The following RAPGEF2 variants were observed in gnomAD, a reference collection of about 807,000 sequenced individuals.
RAPGEF2 encodes the protein Rap guanine nucleotide exchange factor 2.
In RAPGEF2, 54 loss-of-function variants were observed where a neutral mutation model predicts 186.7. The ratio of observed to expected loss-of-function variants is 0.29; its 90% CI spans 0.23 to 0.36. RAPGEF2 has a LOEUF of 0.36. Among genes scored for constraint, RAPGEF2 ranks in the 10% least tolerant of loss-of-function variants. The pLI, the probability that RAPGEF2 is intolerant of heterozygous loss-of-function variation, is 1.00. For synonymous variants in RAPGEF2, 712 were observed against 705.9 expected (o/e 1.01, Z -0.14); for missense variants, 1,532 against 2,045.0 (o/e 0.75, Z 4.84).
intron 20 of RAPGEF2, 64 bp from the exon 21 acceptor site, chr4:159,342,915 C>T: frequency 7.3e-7 from 1 of 1,377,664 alleles, no homozygotes; most frequent in Non-Finnish European, 1.0e-6. Flanking sequence ...TGTTATATGT[C>T]AATAAATAAT....
chr4:159,207,783 GT>G (rs1185733189), intron 3 of RAPGEF2, among the ~76,000 whole-genome samples: 2 of 152,042 alleles, frequency 1.3e-5, no homozygotes, highest in Non-Finnish European at 2.9e-5. Context: ...CCCGCTTTCT[GT>G]TTTAGTGTTT....
chr4:159,271,892 CTTGAG>C (rs759797783), intron 7 of RAPGEF2, among the ~76,000 whole-genome samples: 4 of 152,272 alleles, frequency 2.6e-5, no homozygotes, highest in South Asian at 2.1e-4. Context: ...CATGTTGAGA[CTTGAG>C]TTGAGATGGT....
At chr4:159,310,129 C>A (rs1763791827) in intron 8 of RAPGEF2, among the ~76,000 whole-genome samples, 1 of 152,058 alleles carries the variant, frequency 6.6e-6, no homozygotes, top group African/African-American at 2.4e-5. Context: ...TGGTAACTTA[C>A]AGAAACGAAA....
chr4:159,205,225 A>G (rs1256429740), intron 3 of RAPGEF2, among the ~76,000 whole-genome samples: 1 of 152,134 alleles, frequency 6.6e-6, no homozygotes, highest in Non-Finnish European at 1.5e-5. Flanking sequence ...ACTTTGATGG[A>G]TCTCCTATCT....
chr4:159,190,138 G>T (rs1019175135), intron 2 of RAPGEF2, among the ~76,000 whole-genome samples: 6 of 152,186 alleles, frequency 3.9e-5, no homozygotes, highest in African/African-American at 1.4e-4. Context: ...GCAGGGAAAG[G>T]CAGGGTCCAC....
chr4:159,322,107 C>T, intron 9 of RAPGEF2, among the ~76,000 whole-genome samples: 1 of 152,100 alleles, frequency 6.6e-6, no homozygotes, highest in African/African-American at 2.4e-5. Flanking sequence ...GGTATTAGAA[C>T]TGGAGTTACA....
At chr4:159,246,711 C>G (rs1754662735) in intron 7 of RAPGEF2, among the ~76,000 whole-genome samples, 1 of 152,094 alleles carries the variant, frequency 6.6e-6, no homozygotes, top group African/African-American at 2.4e-5. Flanking sequence ...GAGTTATGTT[C>G]TTAAATAAGA....
At position 159,341,952 on chromosome 4, in the gene RAPGEF2, G is replaced by A; in HGVS notation, c.2918+5G>A. ...CTCAATGTTTGCAATCATCAGGTAA[G>A]AGAGCACATTTTTTCTTAAGATTCA... On this transcript the variant is annotated splice_donor_5th_base_variant and intron_variant, in intron 20 of 29. Coordinates refer to ENST00000691494, the MANE Select transcript of RAPGEF2 (RefSeq NM_001394067.2). 1.3e-6 allele frequency: 2 copies of A among 1,567,718 alleles called. No homozygotes were observed. Among genetic ancestry groups the A allele is most frequent in the South Asian group, 2.4e-5 (2 of 82,162 alleles).
At chr4:159,356,465 GTGTC>G (rs1243667719) in intron 29 of RAPGEF2, among the ~76,000 whole-genome samples, 2 of 151,584 alleles carry the variant, frequency 1.3e-5, no homozygotes, top group African/African-American at 4.9e-5. Flanking sequence ...TGCTTTCTGT[GTGTC>G]TGTGTATGTG....
intron 4 of RAPGEF2, among the ~76,000 whole-genome samples, chr4:159,212,851 C>T (rs1750658527): frequency 6.6e-6 from 1 of 152,212 alleles, no homozygotes; most frequent in Admixed American, 6.5e-5. Flanking sequence ...TCGTCCTTGA[C>T]TACCAGCCAT....
At chr4:159,205,482 G>C (rs980762966) in intron 3 of RAPGEF2, among the ~76,000 whole-genome samples, 1 of 152,112 alleles carries the variant, frequency 6.6e-6, no homozygotes, top group Non-Finnish European at 1.5e-5. Flanking sequence ...CTAGCCTACT[G>C]AACATCATTG....
At chr4:159,260,217 C>G (rs768685332) in intron 7 of RAPGEF2, among the ~76,000 whole-genome samples, 5 of 151,924 alleles carry the variant, frequency 3.3e-5, no homozygotes, top group Non-Finnish European at 7.4e-5. Context: ...TAAGCTCAAG[C>G]AATTTGCCTG....
chr4:159,197,905 T>A (rs1252731882), intron 3 of RAPGEF2, among the ~76,000 whole-genome samples: 3 of 152,224 alleles, frequency 2.0e-5, no homozygotes, highest in Non-Finnish European at 2.9e-5. Flanking sequence ...GAGGAAGGGA[T>A]GTCATTTTGC....
At chr4:159,226,173 G>A (rs766965288) in intron 4 of RAPGEF2, among the ~76,000 whole-genome samples, 8 of 152,142 alleles carry the variant, frequency 5.3e-5, no homozygotes, top group Non-Finnish European at 1.0e-4. Context: ...ATGAGGTAAA[G>A]GGTTGAGGTT....
chr4:159,210,642 T>C, intron 4 of RAPGEF2, 59 bp downstream of exon 4: 3 of 1,324,018 alleles, frequency 2.3e-6, no homozygotes, highest in Non-Finnish European at 3.1e-6. Context: ...TTTTGCAGAA[T>C]TCAGTTCTAA....
chr4:159,280,067 G>A (rs879153450), intron 7 of RAPGEF2, among the ~76,000 whole-genome samples: 2 of 152,066 alleles, frequency 1.3e-5, no homozygotes, highest in East Asian at 1.9e-4. Flanking sequence ...CATATGGTTC[G>A]CCAGAGGTCT....
At chr4:159,256,509 A>C (rs541678710) in intron 7 of RAPGEF2, among the ~76,000 whole-genome samples, 1 of 152,190 alleles carries the variant, frequency 6.6e-6, no homozygotes, top group East Asian at 1.9e-4. Context: ...TGATGAACAT[A>C]TGTGTGTGAG....
At chr4:159,279,475 A>T (rs1307930723) in intron 7 of RAPGEF2, among the ~76,000 whole-genome samples, 1 of 152,194 alleles carries the variant, frequency 6.6e-6, no homozygotes, top group Non-Finnish European at 1.5e-5. Flanking sequence ...TTTTCTTTCA[A>T]GTAAGTTTCA....
intron 4 of RAPGEF2, chr4:159,229,234 T>C (rs1752360070): frequency 6.6e-6 from 1 of 152,188 alleles, no homozygotes; most frequent in Non-Finnish European, 1.5e-5. Context: ...CCTTGCTGGG[T>C]GTAGGCTGAC....
Sources: allele counts gnomAD v4.1 joint callset (sites outside exome capture counted in the v4.1 genomes callset), GRCh38; gene constraint gnomAD v4.1.1; transcripts MANE v1.5; gene names NCBI Gene and HGNC (gene_info 2026-07-23, HGNC 2026-07-21).